The following NCOA2 variants were observed in gnomAD, a reference collection of about 807,000 sequenced individuals.
NCOA2 encodes class E basic helix-loop-helix protein 75.
NCOA2 carries 21 observed loss-of-function variants against 145.1 expected under a neutral mutation model. That is an observed-to-expected ratio of 0.14 (90% confidence interval 0.10 to 0.21). The LOEUF (loss-of-function observed/expected upper bound fraction) is 0.21, where lower values mean the gene tolerates loss of function less well. Ranked by LOEUF, NCOA2 falls within the 10% of genes least tolerant of loss-of-function variation. The probability of loss-of-function intolerance (pLI) is 1.00; values close to 1 mark genes in which losing one functional copy is unlikely to be tolerated. For missense variants in NCOA2, 1,472 were observed against 1,837.6 expected (o/e 0.80, Z 3.64); for synonymous variants, 619 against 637.5 (o/e 0.97, Z 0.44).
At chr8:70,450,629 G>A in the NCOA2 span, among the ~76,000 whole-genome samples, 2 of 125,940 alleles carry the variant, frequency 1.6e-5, no homozygotes, top group East Asian at 5.5e-4. Flanking sequence ...GCCCAGGCTG[G>A]AGTGCAATGG....
At chr8:70,364,000 G>A (rs1215405559) in intron 1 of NCOA2, among the ~76,000 whole-genome samples, 1 of 150,882 alleles carries the variant, frequency 6.6e-6, no homozygotes, top group African/African-American at 2.4e-5. Flanking sequence ...AGTACAGGTG[G>A]GATACAACAA....
chr8:70,348,706 T>C (rs1808895278), intron 1 of NCOA2, among the ~76,000 whole-genome samples: 1 of 152,128 alleles, frequency 6.6e-6, no homozygotes, highest in Non-Finnish European at 1.5e-5. Flanking sequence ...ATTTTGAGCC[T>C]GGGTGAGTGG....
At chr8:70,132,976 T>C (rs1809319523) in intron 15 of NCOA2, among the ~76,000 whole-genome samples, 1 of 152,178 alleles carries the variant, frequency 6.6e-6, no homozygotes, top group Non-Finnish European at 1.5e-5. Flanking sequence ...TTATATAAGA[T>C]AATTGGTGAT....
At chr8:70,161,686 ACTAG>A (rs1038801088) in intron 9 of NCOA2, among the ~76,000 whole-genome samples, 2 of 152,186 alleles carry the variant, frequency 1.3e-5, no homozygotes, top group African/African-American at 4.8e-5. Context: ...ATTTTCAATA[ACTAG>A]CTACAAATTT....
chr8:70,301,399 C>G (rs1163247966), intron 1 of NCOA2, among the ~76,000 whole-genome samples: 1 of 151,890 alleles, frequency 6.6e-6, no homozygotes, highest in Admixed American at 6.6e-5. Context: ...CCCGCCTGTA[C>G]TCCCAACACT....
At chr8:70,240,704 T>C (rs1822053760) in intron 2 of NCOA2, among the ~76,000 whole-genome samples, 1 of 152,288 alleles carries the variant, frequency 6.6e-6, no homozygotes, top group Non-Finnish European at 1.5e-5. Context: ...AACAATATTA[T>C]GTAACTTACA....
chr8:70,159,246 T>TATGTATATATATA (rs1812687288), intron 10 of NCOA2, among the ~76,000 whole-genome samples: 1 of 86,406 alleles, frequency 1.2e-5, no homozygotes, highest in South Asian at 3.2e-4. Context: ...ATATATATTT[T>TATGTATATATATA]TTTTTTTTTC....
chr8:70,307,185 G>A (rs1275759755), intron 1 of NCOA2, among the ~76,000 whole-genome samples: 1 of 107,060 alleles, frequency 9.3e-6, no homozygotes, highest in Non-Finnish European at 1.7e-5. Flanking sequence ...TCACTAACAA[G>A]ATTATTCAGT....
the NCOA2 span, among the ~76,000 whole-genome samples, chr8:70,421,239 G>A: frequency 1.7e-4 from 26 of 151,994 alleles, no homozygotes; most frequent in Admixed American, 1.6e-3. Context: ...GGGGAAAAAA[G>A]AATTAGTATT....
chr8:70,117,656 T>TTTAGGGAAGTGGCAGGAGGGTGCAGGGG (rs1807301622), intron 22 of NCOA2, among the ~76,000 whole-genome samples: 1 of 152,220 alleles, frequency 6.6e-6, no homozygotes, highest in South Asian at 2.1e-4. Flanking sequence ...CAGTGTTCCC[T>TTTAGGGAAGTGGCAGGAGGGTGCAGGGG]TTAGGGAAGT....
intron 2 of NCOA2, among the ~76,000 whole-genome samples, chr8:70,226,441 G>GA (rs1428731349): frequency 3.9e-5 from 6 of 152,060 alleles, no homozygotes; most frequent in South Asian, 4.1e-4. Flanking sequence ...CTTATTTTCA[G>GA]AAAAAATCTT....
At chr8:70,274,943 A>G (rs1229154657) in intron 2 of NCOA2, among the ~76,000 whole-genome samples, 1 of 152,200 alleles carries the variant, frequency 6.6e-6, no homozygotes, top group Non-Finnish European at 1.5e-5. Flanking sequence ...CCCGTAATTA[A>G]GATTTCGGCT....
intron 2 of NCOA2, among the ~76,000 whole-genome samples, chr8:70,228,632 TC>T: frequency 6.6e-6 from 1 of 152,342 alleles, no homozygotes; most frequent in East Asian, 1.9e-4. Flanking sequence ...TTTTAAATAG[TC>T]CTAAGACGTT....
At chr8:70,250,197 G>C (rs1217299202) in intron 2 of NCOA2, among the ~76,000 whole-genome samples, 3 of 151,662 alleles carry the variant, frequency 2.0e-5, no homozygotes, top group Admixed American at 6.6e-5. Context: ...TTTGAGACCA[G>C]CCTGGGCAAC....
chr8:70,320,032 G>C (rs1422558833), intron 1 of NCOA2, among the ~76,000 whole-genome samples: 3 of 152,026 alleles, frequency 2.0e-5, no homozygotes, highest in Admixed American at 2.0e-4. Flanking sequence ...GAATAAATTA[G>C]GTGAATGTGA....
At chr8:70,395,517 A>G (rs1813574542) in intron 1 of NCOA2, among the ~76,000 whole-genome samples, 1 of 152,250 alleles carries the variant, frequency 6.6e-6, no homozygotes, top group Admixed American at 6.5e-5. Flanking sequence ...TCTACTACGG[A>G]ATTTCCGTAT....
At chr8:70,124,314 A>T (rs919512360) in intron 20 of NCOA2, among the ~76,000 whole-genome samples, 10 of 150,370 alleles carry the variant, frequency 6.7e-5, no homozygotes, top group Non-Finnish European at 1.3e-4. Flanking sequence ...ATAAATGATC[A>T]CCAGGGAAAC....
At position 70,128,814 on chromosome 8, in the gene NCOA2, C is replaced by G. The variant is rs778214230; in HGVS notation, c.3491G>C (p.Ser1164Thr). ...PNFHTMGQRP[S>T]YATLRMQPRP... Reference sequence around the variant, plus strand: ...GGGCTGCATACGGAGTGTGGCATAACTAGGCCGCTGTCCCATGGTGTGAAA... The same window carrying G: ...GGGCTGCATACGGAGTGTGGCATAAGTAGGCCGCTGTCCCATGGTGTGAAA... The change falls in exon 17 of 23, where the codon AGT becomes ACT. Residue 1164 changes from serine to threonine, a missense_variant. Transcript: ENST00000452400. The G allele has an allele frequency of 6.2e-7, 1 of 1,614,058 alleles. No homozygotes were observed.
chr8:70,153,047 A>C (rs902298305), intron 11 of NCOA2, among the ~76,000 whole-genome samples: 4 of 152,222 alleles, frequency 2.6e-5, no homozygotes, highest in African/African-American at 9.6e-5. Flanking sequence ...TTCTTAAAGT[A>C]AGTCATTCTA....
Sources: gnomAD v4.1 joint callset for allele counts (sites outside exome capture counted in the v4.1 genomes callset) on GRCh38, gnomAD v4.1.1 for gene constraint, MANE v1.5 for transcripts, NCBI Gene and HGNC (gene_info 2026-07-23, HGNC 2026-07-21) for gene names.